Variants in PARP15 observed in about 807,000 individuals in gnomAD.
The protein encoded by PARP15 is poly(ADP-ribose) polymerase family member 15.
A neutral mutation model predicts 62.1 loss-of-function variants in PARP15; 50 were observed. The observed-to-expected ratio is 0.81, with a 90% confidence interval of 0.64 to 1.02. The LOEUF is 1.02. Ranked by LOEUF, PARP15 falls within the 50% of genes least tolerant of loss-of-function variation. The probability of loss-of-function intolerance (pLI) is 0.00; values close to 1 mark genes in which losing one functional copy is unlikely to be tolerated. For synonymous variants in PARP15, 309 were observed against 293.1 expected (o/e 1.05, Z -0.55); for missense variants, 820 against 826.5 (o/e 0.99, Z 0.10).
chr3:122,636,403 A>G lies in PARP15; in HGVS notation c.*303A>G, dbSNP rs898400091. 1.6e-5 allele frequency: 5 copies of G among 313,402 alleles called. No individual in the cohort carries two copies. The highest frequency in any genetic ancestry group is 6.6e-5 in the East Asian group (1 of 15,116). 19.4% of individuals were successfully genotyped at this position (313,402 alleles called of 1,614,324 possible). A position where few individuals can be genotyped will look rare whatever the true frequency, so the allele number is the denominator to read the frequency against. On this transcript the variant is annotated 3_prime_UTR_variant, in exon 12 of 12. Transcript: ENST00000464300. ...TCTTTTTCTATCAGAAAAAAACAAG[A>G]TGCATCACCTTAAAACCAAGATGAC...
Position 122,577,849 on chromosome 3 carries a change from GT to G in PARP15, c.183del (p.Ser61ArgfsTer20). 1 of 1,547,180 alleles carries G rather than the reference GT, an allele frequency of 6.5e-7. No individual in the cohort carries two copies. The highest frequency in any genetic ancestry group is 8.7e-7 in the Non-Finnish European group (1 of 1,144,332). ...RKASRRSSSR[S>X]MSRDNKFSKK... ...GCCTCCCGGCGCTCTTCCTCCCGGA[GT>G]ATGGTGAGGAGCGCGGGGGACGGGT... On this transcript the variant is annotated frameshift_variant, in exon 1 of 12. Transcript: ENST00000464300. LOFTEE classifies it high-confidence loss of function.
At chr3:122,631,985 A>G in intron 9 of PARP15, 101 bp from the exon 10 acceptor site, 1 of 1,319,278 alleles carries the variant, frequency 7.6e-7, no homozygotes, top group Non-Finnish European at 1.1e-6. Flanking sequence ...TCCTTTAAAG[A>G]CCAGGTTTGG....
At chr3:122,623,901 TGC>T (rs1936512636) in intron 8 of PARP15, among the ~76,000 whole-genome samples, 5 of 152,186 alleles carry the variant, frequency 3.3e-5, no homozygotes, top group African/African-American at 1.2e-4. Flanking sequence ...CCTAGCACTT[TGC>T]GGGGCTGAGG....
intron 6 of PARP15, 101 bp from the exon 7 acceptor site, chr3:122,619,680 A>G: frequency 9.8e-7 from 1 of 1,018,932 alleles, no homozygotes; most frequent in Non-Finnish European, 1.6e-6. Flanking sequence ...TCAATGGATT[A>G]TGCACAAAAG....
chr3:122,608,711 A>G (rs1318347112), intron 2 of PARP15, among the ~76,000 whole-genome samples: 1 of 151,546 alleles, frequency 6.6e-6, no homozygotes, highest in East Asian at 1.9e-4. Flanking sequence ...TAATATTTGT[A>G]TATTTAACAA....
At chr3:122,615,450 T>C in intron 4 of PARP15, 1 of 1,250,148 alleles carries the variant, frequency 8.0e-7, no homozygotes, top group South Asian at 1.4e-5. Flanking sequence ...TGTAGGAGAT[T>C]AGAATTATGG....
At chr3:122,607,794 T>C (rs531307323) in intron 2 of PARP15, among the ~76,000 whole-genome samples, 1 of 152,338 alleles carries the variant, frequency 6.6e-6, no homozygotes, top group African/African-American at 2.4e-5. Context: ...GAATTCTTTC[T>C]CCTATCCAGT....
intron 2 of PARP15, among the ~76,000 whole-genome samples, chr3:122,607,665 T>G (rs1935246682): frequency 6.6e-6 from 1 of 152,234 alleles, no homozygotes; most frequent in Non-Finnish European, 1.5e-5. Flanking sequence ...CAAGGTCTTT[T>G]CACTATGCAG....
rs932338652 is a variant in PARP15, at chr3:122,636,915, C to T, written c.*815C>T. On this transcript the variant is annotated 3_prime_UTR_variant, in exon 12 of 12. Coordinates refer to ENST00000464300, the MANE Select transcript of PARP15 (RefSeq NM_001113523.3). ...TCAGTTCCTCTCCTCTCAGGCCTCT[C>T]CACAGGCTGCTTGAGTGTCCTCATG... 11 of 152,252 alleles carry T rather than the reference C, an allele frequency of 7.2e-5. No individual in the cohort carries two copies. Among genetic ancestry groups the T allele is most frequent in the Admixed American group, 3.3e-4 (5 of 15,272 alleles). 9.4% of individuals were successfully genotyped at this position (152,252 alleles called of 1,614,324 possible). A position where few individuals can be genotyped will look rare whatever the true frequency, so the allele number is the denominator to read the frequency against.
chr3:122,616,915 G>T (rs910080202), intron 5 of PARP15, 100 bp from the exon 6 acceptor site: 21 of 1,364,352 alleles, frequency 1.5e-5, no homozygotes, highest in Non-Finnish European at 2.1e-5. Flanking sequence ...TGGGGGAAAA[G>T]AAAGAGGGCT....
chr3:122,621,713 G>A (rs894905334), intron 8 of PARP15, 102 bp downstream of exon 8: 1 of 1,090,276 alleles, frequency 9.2e-7, no homozygotes. Flanking sequence ...CTGAAAGTGG[G>A]AACAATGATG....
rs1038137284 is a variant in PARP15 at position 122,636,879 on chromosome 3, A to G, written c.*779A>G. ...CATACCTGGCACGTTTCTGTCAGGT[A>G]TTGGCAGTCCTCAGTTCCTCTCCTC... On this transcript the variant is annotated 3_prime_UTR_variant, in exon 12 of 12. Coordinates refer to ENST00000464300, the MANE Select transcript of PARP15 (RefSeq NM_001113523.3). 1.7e-4 allele frequency: 26 copies of G among 152,334 alleles called. No homozygotes were observed. The highest frequency in any genetic ancestry group is 6.3e-4 in the African/African-American group (26 of 41,536). The allele number at this position is 152,334 out of a possible 1,614,324, so 9.4% of individuals were successfully genotyped here.
At chr3:122,603,163 A>G (rs897740618) in intron 1 of PARP15, among the ~76,000 whole-genome samples, 1 of 152,100 alleles carries the variant, frequency 6.6e-6, no homozygotes, top group Non-Finnish European at 1.5e-5. Flanking sequence ...GTCCCTGAAA[A>G]AGTTGCCAGG....
chr3:122,618,703 G>A (rs1292207258), intron 6 of PARP15, among the ~76,000 whole-genome samples: 1 of 152,154 alleles, frequency 6.6e-6, no homozygotes, highest in Non-Finnish European at 1.5e-5. Flanking sequence ...TTGGACTTAG[G>A]GCACCAGGCA....
At chr3:122,624,614 A>C (rs1363539886) in intron 8 of PARP15, among the ~76,000 whole-genome samples, 1 of 152,168 alleles carries the variant, frequency 6.6e-6, no homozygotes, top group African/African-American at 2.4e-5. Context: ...GACTTAGTAA[A>C]ATTTCAAAAG....
intron 1 of PARP15, among the ~76,000 whole-genome samples, chr3:122,590,427 C>A (rs1933810652): frequency 6.6e-6 from 1 of 151,852 alleles, no homozygotes; most frequent in African/African-American, 2.4e-5. Context: ...CACCCAGCAC[C>A]ACGCCCAACT....
chr3:122,616,102 G>A (rs370107168), intron 5 of PARP15, among the ~76,000 whole-genome samples: 10 of 152,238 alleles, frequency 6.6e-5, no homozygotes, highest in South Asian at 6.2e-4. Context: ...TAACTAAACC[G>A]TGCCTGGCAC....
At chr3:122,621,239 A>G (rs1036961223) in intron 7 of PARP15, 23 of 543,118 alleles carry the variant, frequency 4.2e-5, no homozygotes, top group Non-Finnish European at 7.1e-5. Flanking sequence ...CACCCCAAAT[A>G]CTCAACAGTG....
chr3:122,634,124 C>G (rs1454500402), intron 10 of PARP15, among the ~76,000 whole-genome samples: 1 of 152,214 alleles, frequency 6.6e-6, no homozygotes, highest in Non-Finnish European at 1.5e-5. Flanking sequence ...CAGGTACTCA[C>G]TCCATTCTTC....
Sources: gnomAD v4.1 joint callset for allele counts (sites outside exome capture counted in the v4.1 genomes callset) on GRCh38, gnomAD v4.1.1 for gene constraint, MANE v1.5 for transcripts, NCBI Gene and HGNC (gene_info 2026-07-23, HGNC 2026-07-21) for gene names.